FNIP1: variants seen among roughly 807,000 people sequenced by gnomAD.
FNIP1 encodes the protein folliculin-interacting protein 1.
A neutral mutation model predicts 124.5 loss-of-function variants in FNIP1; 40 were observed. The ratio of observed to expected loss-of-function variants is 0.32; its 90% CI spans 0.25 to 0.42. The LOEUF (loss-of-function observed/expected upper bound fraction) is 0.42, where lower values mean the gene tolerates loss of function less well. Ranked by LOEUF, FNIP1 falls within the 10% of genes least tolerant of loss-of-function variation. The pLI, the probability that FNIP1 is intolerant of heterozygous loss-of-function variation, is 1.00. For synonymous variants in FNIP1, 472 were observed against 470.6 expected (o/e 1.00, Z -0.04); for missense variants, 1,176 against 1,403.7 (o/e 0.84, Z 2.59).
rs73788763 is a variant in FNIP1 at position 131,768,480 on chromosome 5, T to A, written c.93-23790A>T. Among the ~76,000 whole-genome samples the A allele has an allele frequency of 7.8e-3, 1,001 of 127,954 alleles. 20 individuals are homozygous for A. The highest frequency in any genetic ancestry group is 0.055 in the South Asian group (225 of 4,126). 83.9% of individuals were successfully genotyped at this position (127,954 alleles called of 152,430 possible). A position where few individuals can be genotyped will look rare whatever the true frequency, so the allele number is the denominator to read the frequency against. On this transcript the variant is annotated intron_variant, in intron 1 of 17. Transcript: ENST00000510461. ...GTCATACACAGTTTTTTTTTTTTTT[T>A]AAAAAGGGGGGAACTTGTATAATGT...
At chr5:131,744,522 T>A (rs745471122) in intron 2 of FNIP1, 42 bp downstream of exon 2, 76 of 1,560,706 alleles carry the variant, frequency 4.9e-5, no homozygotes, top group Non-Finnish European at 5.7e-5. Flanking sequence ...ATTATCAAAA[T>A]GTTCAACATT....
At chr5:131,796,673 G>C in intron 1 of FNIP1, 157 bp downstream of exon 1, 1 of 660,894 alleles carries the variant, frequency 1.5e-6, no homozygotes. Context: ...CCAACCCTTC[G>C]GCGCTAGCCC....
chr5:131,704,812 C>T (rs978270403), intron 9 of FNIP1, among the ~76,000 whole-genome samples: 4 of 151,986 alleles, frequency 2.6e-5, no homozygotes, highest in African/African-American at 7.2e-5. Context: ...AAATCAAAGA[C>T]CTAAACATAA....
chr5:131,726,203 C>T (rs1010202692), intron 3 of FNIP1, among the ~76,000 whole-genome samples: 6 of 152,046 alleles, frequency 3.9e-5, no homozygotes, highest in African/African-American at 1.5e-4. Context: ...ATGATGTTGG[C>T]CTCATAAAAT....
intron 1 of FNIP1, among the ~76,000 whole-genome samples, chr5:131,770,364 TAG>T (rs1182686732): frequency 6.6e-6 from 1 of 152,312 alleles, no homozygotes; most frequent in East Asian, 1.9e-4. Flanking sequence ...GTTCATGAAA[TAG>T]AGACATTTTA....
intron 1 of FNIP1, among the ~76,000 whole-genome samples, chr5:131,771,332 G>A (rs1771626031): frequency 6.6e-6 from 1 of 152,096 alleles, no homozygotes; most frequent in Non-Finnish European, 1.5e-5. Flanking sequence ...TTCCTCCAAG[G>A]AATACAAAAT....
At chr5:131,655,933 A>C (rs920575812) in intron 15 of FNIP1, among the ~76,000 whole-genome samples, 70 of 151,006 alleles carry the variant, frequency 4.6e-4, no homozygotes, top group Non-Finnish European at 9.5e-4. Context: ...ACAACAAAAC[A>C]AAACAAAACA....
chr5:131,725,383 T>C (rs1005763659), intron 3 of FNIP1, among the ~76,000 whole-genome samples: 1 of 152,342 alleles, frequency 6.6e-6, no homozygotes, highest in Middle Eastern at 3.4e-3. Flanking sequence ...CCTTGAGCAG[T>C]GGTTTGTAGT....
chr5:131,755,923 C>T (rs1032948127), intron 1 of FNIP1, among the ~76,000 whole-genome samples: 1 of 151,644 alleles, frequency 6.6e-6, no homozygotes. Context: ...GAAGGAGAAT[C>T]GCTTGAACCT....
rs76743647 is a variant in FNIP1 at position 131,660,598 on chromosome 5, C to T, written c.3109-8599G>A. Among the ~76,000 whole-genome samples, 1,082 of 152,280 alleles carry T rather than the reference C, an allele frequency of 7.1e-3. 16 individuals carry two copies. Among genetic ancestry groups the T allele is most frequent in the African/African-American group, 0.025 (1,039 of 41,560 alleles). On this transcript the variant is annotated intron_variant, in intron 15 of 17. Transcript: ENST00000510461. ...TTCCCCAAACTGCCTTTTAAAAATC[C>T]CTAACCTACAAGCTTTGAAGGAGAT...
intron 2 of FNIP1, among the ~76,000 whole-genome samples, chr5:131,739,832 A>AAAC (rs1770453807): frequency 6.7e-6 from 1 of 149,650 alleles, no homozygotes. Flanking sequence ...AAAAAAAAAA[A>AAAC]AAAAACACTG....
chr5:131,683,572 A>C lies in FNIP1; in HGVS notation c.1203-4397T>G, dbSNP rs968194345. ...CGTCTCAAAAAAAAAAAAAAAAAAA[A>C]CCATCTCTAGAGTACTTATAATACC... On this transcript the variant is annotated intron_variant, in intron 11 of 17. Transcript: ENST00000510461. 5.3e-5 allele frequency among the ~76,000 whole-genome samples: 8 copies of C among 150,724 alleles called. 1 individual carries two copies. In the South Asian group the frequency reaches 1.0e-3, roughly 20 times the overall value.
rs1554092139 is a variant in FNIP1, at chr5:131,661,220, T to TGTGTGTGTGTGTGTGTGTG, written c.3109-9222_3109-9221insCACACACACACACACACAC. ...ACCTTCTGTCCGTCTTGTCTTTGTT[T>TGTGTGTGTGTGTGTGTGTG]TGTGTGTGTGTGTGTGTGTGTGTGT... On this transcript the variant is annotated intron_variant, in intron 15 of 17. Coordinates refer to ENST00000510461, the MANE Select transcript of FNIP1 (RefSeq NM_133372.3). Among the ~76,000 whole-genome samples the TGTGTGTGTGTGTGTGTGTG allele has an allele frequency of 1.6e-3, 239 of 147,726 alleles. 1 individual carries two copies. Among genetic ancestry groups the TGTGTGTGTGTGTGTGTGTG allele is most frequent in the Middle Eastern group, 7.0e-3 (2 of 284 alleles).
intron 2 of FNIP1, among the ~76,000 whole-genome samples, chr5:131,743,218 T>A (rs1316813847): frequency 1.3e-5 from 2 of 151,914 alleles, no homozygotes; most frequent in Non-Finnish European, 2.9e-5. Context: ...GATAAAGGCA[T>A]AATAAAATAA....
At chr5:131,718,106 C>A (rs148195254) in intron 5 of FNIP1, among the ~76,000 whole-genome samples, 1 of 151,104 alleles carries the variant, frequency 6.6e-6, no homozygotes, top group South Asian at 2.1e-4. Flanking sequence ...TCAGGAGAAT[C>A]GCTTGAACCC....
At position 131,710,602 on chromosome 5, in the gene FNIP1, T is replaced by A; in HGVS notation, c.682A>T (p.Ile228Phe). ...CCTGCAAAGAAAGAGGCGCTCCTGA[T>A]CAGGCGGAGCGGACCCTGCTCAGAG... ...AFSEQGPLRLIRSASFFAVHS... is the reference protein window; with the variant it reads ...AFSEQGPLRLFRSASFFAVHS... Residue 228 changes from isoleucine to phenylalanine, a missense_variant, in exon 7 of 18, where the codon ATC becomes TTC. Around this residue, in one of 2 missense-constraint regions of FNIP1, gnomAD observed 1,109 missense variants for 1,288.5 expected, o/e 0.86. Transcript: ENST00000510461. 6.2e-7 allele frequency: 1 copy of A among 1,613,858 alleles called. No homozygotes were observed. The highest frequency in any genetic ancestry group is 8.5e-7 in the Non-Finnish European group (1 of 1,179,904).
At chr5:131,774,155 T>C (rs552426593) in intron 1 of FNIP1, among the ~76,000 whole-genome samples, 5 of 152,328 alleles carry the variant, frequency 3.3e-5, no homozygotes, top group African/African-American at 7.2e-5. Context: ...GCCTCTGAAG[T>C]AGCTGGGACT....
intron 11 of FNIP1, among the ~76,000 whole-genome samples, chr5:131,696,213 G>T (rs1386464617): frequency 6.6e-6 from 1 of 152,176 alleles, no homozygotes; most frequent in African/African-American, 2.4e-5. Flanking sequence ...TGAAGCCAAA[G>T]TAGACTGTAC....
chr5:131,708,366 A>T (rs1297031535), intron 8 of FNIP1, among the ~76,000 whole-genome samples: 1 of 152,210 alleles, frequency 6.6e-6, no homozygotes, highest in Non-Finnish European at 1.5e-5. Context: ...CACTGAATTA[A>T]GTTTCTCATA....
Sources: allele counts gnomAD v4.1 joint callset (sites outside exome capture counted in the v4.1 genomes callset), GRCh38; gene constraint gnomAD v4.1.1; regional missense constraint gnomAD v4.1.1; transcripts MANE v1.5; gene names NCBI Gene and HGNC (gene_info 2026-07-23, HGNC 2026-07-21).